Variants in SERINC4 observed in about 807,000 individuals in gnomAD.
The protein encoded by SERINC4 is serine incorporator 4.
In SERINC4, 52 loss-of-function variants were observed where a neutral mutation model predicts 52.0. That is an observed-to-expected ratio of 1.00 (90% CI 0.80 to 1.26). The LOEUF is 1.26. Among genes scored for constraint, SERINC4 ranks in the 50% most tolerant of loss-of-function variants. SERINC4 has a pLI of 0.00. For missense variants in SERINC4, 723 were observed against 632.8 expected, an observed-to-expected ratio of 1.14 and a Z score of -1.53; for synonymous variants, 264 against 247.7, an observed-to-expected ratio of 1.07 and a Z score of -0.62.
rs996367017 is a variant in SERINC4 at position 43,799,423 on chromosome 15, C to T, written c.166G>A (p.Ala56Thr). The T allele has an allele frequency of 3.2e-6, 5 of 1,550,728 alleles. No individual in the cohort carries two copies. The South Asian group carries it at 4.8e-5, about 15-fold the overall frequency. The change falls in exon 2 of 12, where the codon GCA becomes ACA. Residue 56 changes from alanine to threonine, a missense_variant. By Grantham distance (58) the Ala-to-Thr change is moderately conservative. Transcript: ENST00000319327. ...CCHSRWPSLT[A>T]STCSRLFYIL... ...TAGAACAGGCGGCTGCAAGTGGATG[C>T]GGTGAGAGAGGGCCACCTAGAGTGG...
In SERINC4 at chr15:43,795,050, G is replaced by T; in HGVS notation, c.1507C>A (p.Arg503Ser). Reference protein sequence around the residue: ...TQKPQPLILRRRRHRIISPDN... With the variant: ...TQKPQPLILRSRRHRIISPDN... The stretch of plus-strand genomic sequence containing the variant: ...GGGGATATGATGCGGTGGCGGCGGC[G>T]CCTCAAGATAAGGGGCTGGGGTTTC... Residue 503 changes from arginine to serine, a missense_variant, in exon 12 of 12, where the codon CGC (arginine) becomes AGC (serine). Physicochemically the swap from Arg to Ser is moderately radical, Grantham distance 110. Transcript: ENST00000319327. The T allele has an allele frequency of 6.2e-7, 1 of 1,612,776 alleles. No homozygotes were observed. Among genetic ancestry groups the T allele is most frequent in the Non-Finnish European group, 8.5e-7 (1 of 1,179,902 alleles).
At chr15:43,798,685 A>G in intron 3 of SERINC4, 181 bp from the exon 4 acceptor site, 1 of 628,808 alleles carries the variant, frequency 1.6e-6, no homozygotes, top group East Asian at 2.7e-5. Flanking sequence ...CCTTATTCCA[A>G]ATTCTAACTC....
intron 5 of SERINC4, chr15:43,797,703 C>A (rs2087241826): frequency 3.6e-6 from 2 of 558,866 alleles, no homozygotes; most frequent in South Asian, 4.2e-5. Flanking sequence ...AGCTCCAACT[C>A]TTTTACCCAT....
In SERINC4 at chr15:43,799,400, G is replaced by C; in HGVS notation, c.189C>G (p.Phe63Leu). Residue 63 changes from phenylalanine (F) to leucine (L), a missense_variant, in exon 2 of 12, where the codon TTC becomes TTG. By Grantham distance (22) the Phe-to-Leu change is conservative. Transcript: ENST00000319327. The part of the protein sequence containing the change: ...SLTASTCSRL[F>L]YILLHVGASA... ...AGGCCCCCACATGGAGGAGGATGTA[G>C]AACAGGCGGCTGCAAGTGGATGCGG... 1 of 1,550,984 alleles carries C rather than the reference G, an allele frequency of 6.4e-7. No individual in the cohort carries two copies. The highest frequency in any genetic ancestry group is 1.7e-4 in the Middle Eastern group (1 of 5,996).
intron 5 of SERINC4, 152 bp downstream of exon 5, chr15:43,797,768 C>T (rs2141693411): frequency 3.2e-6 from 2 of 616,812 alleles, no homozygotes; most frequent in Non-Finnish European, 5.9e-6. Context: ...TCCTACTTGG[C>T]CCACGCAGTC....
At chr15:43,795,346 G>A (rs775225510) in intron 11 of SERINC4, 42 bp downstream of exon 11, 63 of 1,609,718 alleles carry the variant, frequency 3.9e-5, no homozygotes, top group Non-Finnish European at 5.0e-5. Context: ...CCTTAAAATA[G>A]CTAGCTCTTC....
At position 43,800,073 on chromosome 15, in the gene SERINC4, C is replaced by T. The variant is rs2087289660; in HGVS notation, c.-87G>A. On this transcript the variant is annotated 5_prime_UTR_variant, in exon 1 of 12. Coordinates refer to ENST00000319327, the MANE Select transcript of SERINC4 (RefSeq NM_001258031.2). ...TTCTGTCCTCAGCCCATTGGACTGCCACTGTGTTGGGGCTGAGCACCCGGT... is the reference window on the plus strand; with the variant it reads ...TTCTGTCCTCAGCCCATTGGACTGCTACTGTGTTGGGGCTGAGCACCCGGT... The T allele has an allele frequency of 9.7e-7, 1 of 1,036,000 alleles. No homozygotes were observed. Among genetic ancestry groups the T allele is most frequent in the Admixed American group, 2.9e-5 (1 of 34,626 alleles). 64.2% of individuals were successfully genotyped at this position (1,036,000 alleles called of 1,614,324 possible).
At position 43,796,750 on chromosome 15, in the gene SERINC4, G is replaced by T; in HGVS notation, c.941-8C>A. On this transcript the variant is annotated splice_region_variant and splice_polypyrimidine_tract_variant and intron_variant, in intron 7 of 11. Coordinates refer to ENST00000319327, the MANE Select transcript of SERINC4 (RefSeq NM_001258031.2). The stretch of plus-strand genomic sequence containing the variant: ...TCTGTCCTTGAAGGATTACTGGGAA[G>T]GGACAACAGAAGAGATGGGTATTAA... The T allele has an allele frequency of 6.2e-7, 1 of 1,614,190 alleles. No homozygotes were observed.
In SERINC4 at chr15:43,796,553, G is replaced by A. The variant is rs2141691173; in HGVS notation, c.1067+63C>T. ...AAATAATGGTCCCAGACATTGTCCT[G>A]ACCATCCTTCCCTGTCTTGGGCACC... On this transcript the variant is annotated intron_variant, in intron 8 of 11. Coordinates refer to ENST00000319327, the MANE Select transcript of SERINC4 (RefSeq NM_001258031.2). 7 of 1,569,630 alleles carry A rather than the reference G, an allele frequency of 4.5e-6. No homozygotes were observed. In the South Asian group the frequency reaches 7.9e-5, roughly 18 times the overall value.
rs1280768334 is a variant in SERINC4, at chr15:43,797,446, G to A, written c.633-90C>T. ...CTTGCTCTGTTGCCCAGGCTGGAGT[G>A]CAATGGTGTGGTCTCAGCTCACTGC... On this transcript the variant is annotated intron_variant, in intron 5 of 11. Coordinates refer to ENST00000319327, the MANE Select transcript of SERINC4 (RefSeq NM_001258031.2). 11 of 971,148 alleles carry A rather than the reference G, an allele frequency of 1.1e-5. No homozygotes were observed. The South Asian group carries it at 1.4e-4, about 12-fold the overall frequency. 60.2% of individuals were successfully genotyped at this position (971,148 alleles called of 1,614,324 possible).
intron 3 of SERINC4, 112 bp from the exon 4 acceptor site, chr15:43,798,616 CG>C: frequency 1.3e-6 from 1 of 788,028 alleles, no homozygotes; most frequent in Non-Finnish European, 2.2e-6. Flanking sequence ...AGAGGACAGA[CG>C]AGACAACTAA....
At chr15:43,795,652 T>A (rs764891161) in intron 10 of SERINC4, 36 bp downstream of exon 10, 2 of 1,611,830 alleles carry the variant, frequency 1.2e-6, no homozygotes, top group Non-Finnish European at 1.7e-6. Context: ...TCCACAGAGA[T>A]CTACCACTTC....
At chr15:43,798,130 A>ACCTCTGCCTCCCGGGTTCAAGTGATT (rs2087249604) in intron 4 of SERINC4, 117 bp from the exon 5 acceptor site, 3 of 712,380 alleles carry the variant, frequency 4.2e-6, no homozygotes, top group Non-Finnish European at 7.2e-6. Context: ...GCTCACTGCA[A>ACCTCTGCCTCCCGGGTTCAAGTGATT]CCTCTGCCTC....
chr15:43,796,801 CAA>C, intron 7 of SERINC4, 42 bp downstream of exon 7: 1 of 1,609,094 alleles, frequency 6.2e-7, no homozygotes, highest in Non-Finnish European at 8.5e-7. Context: ...TTGGCAGGGG[CAA>C]AAAAAGGTCT....
At position 43,795,411 on chromosome 15, in the gene SERINC4, C is replaced by T. The variant is rs576280150; in HGVS notation, c.1320G>A (p.Met440Ile). 2 of 1,614,128 alleles carry T rather than the reference C, an allele frequency of 1.2e-6. No individual in the cohort carries two copies. Among genetic ancestry groups the T allele is most frequent in the South Asian group, 2.2e-5 (2 of 91,084 alleles). The change falls in exon 11 of 12, where the codon ATG becomes ATA. Residue 440 changes from methionine to isoleucine, a missense_variant. By Grantham distance (10) the Met-to-Ile change is conservative. Transcript: ENST00000319327. The part of the protein sequence containing the change: ...FVFFLASLYV[M>I]VTLTNWFSYE... ...ACCTGAACCAGTTGGTAAGGGTAACCATGACATAGAGTGAGGCAAGGAAGA... is the reference window on the plus strand; with the variant it reads ...ACCTGAACCAGTTGGTAAGGGTAACTATGACATAGAGTGAGGCAAGGAAGA...
At chr15:43,797,491 C>T in intron 5 of SERINC4, 135 bp from the exon 6 acceptor site, 1 of 642,804 alleles carries the variant, frequency 1.6e-6, no homozygotes. Flanking sequence ...CTCTTGGGTT[C>T]AAGTGATTCT....
Position 43,795,541 on chromosome 15 carries a change from C to T in SERINC4, c.1190G>A (p.Gly397Glu), listed in dbSNP as rs1442091322. 4 of 1,614,136 alleles carry T rather than the reference C, an allele frequency of 2.5e-6. No individual in the cohort carries two copies. Among genetic ancestry groups the T allele is most frequent in the South Asian group, 1.1e-5 (1 of 91,074 alleles). Residue 397 changes from glycine (G) to glutamate (E), a missense_variant and splice_region_variant, in exon 11 of 12, where the codon GGG becomes GAG. Coordinates refer to ENST00000319327, the MANE Select transcript of SERINC4 (RefSeq NM_001258031.2). ...TGGCCTCGCAGCCCCACCCCTTTGC[C>T]CTGGAGAGAGGAAATGGCTGCTGGG... ...CCPETVEADK[G>E]QRGGAARPAD...
chr15:43,794,190 A>AT lies in SERINC4; in HGVS notation c.*809dup. 1.9e-6 allele frequency: 1 copy of AT among 531,776 alleles called. No individual in the cohort carries two copies. The highest frequency in any genetic ancestry group is 3.1e-5 in the East Asian group (1 of 32,782). The allele number at this position is 531,776 out of a possible 1,614,324, so 32.9% of individuals were successfully genotyped here. A position where few individuals can be genotyped will look rare whatever the true frequency, so the allele number is the denominator to read the frequency against. On this transcript the variant is annotated 3_prime_UTR_variant, in exon 12 of 12. Transcript: ENST00000319327. Reference sequence around the variant, plus strand: ...GTGAAACATCACAGAAGAAGCCTTTATTATACAATGACAACCAAACAAGTA... The same window carrying AT: ...GTGAAACATCACAGAAGAAGCCTTTATTTATACAATGACAACCAAACAAGTA...
intron 9 of SERINC4, 99 bp downstream of exon 9, chr15:43,796,056 G>C: frequency 1.1e-6 from 1 of 877,900 alleles, no homozygotes; most frequent in Non-Finnish European, 1.9e-6. Flanking sequence ...GGTAACAGCA[G>C]CTATAATCTG....
Sources: allele counts gnomAD v4.1 joint callset, GRCh38; gene constraint gnomAD v4.1.1; transcripts MANE v1.5; gene names NCBI Gene and HGNC (gene_info 2026-07-23, HGNC 2026-07-21).